VIRMA: variants seen among roughly 807,000 people sequenced by gnomAD.
The protein encoded by VIRMA is vir like m6A methyltransferase associated.
Under a neutral mutation model 182.4 loss-of-function variants are expected in VIRMA, and 65 were observed. The observed-to-expected ratio is 0.36, with a 90% CI of 0.29 to 0.44. VIRMA has a LOEUF of 0.44. VIRMA is among the 20% of genes least tolerant of loss of function. VIRMA has a pLI of 1.00. For synonymous variants in VIRMA, 709 were observed against 743.1 expected, an observed-to-expected ratio of 0.95 and a Z score of 0.75; for missense variants, 1,752 against 2,158.1, an observed-to-expected ratio of 0.81 and a Z score of 3.73.
chr8:94,519,500 T>A (rs369976110), intron 8 of VIRMA, 24 bp from the exon 9 acceptor site: 6 of 1,517,052 alleles, frequency 4.0e-6, no homozygotes, highest in Non-Finnish European at 5.3e-6. Flanking sequence ...AATTGATACA[T>A]GTCAAGTCAG....
Position 94,526,324 on chromosome 8 carries a change from A to G in VIRMA, c.1920T>C (p.Thr640=). The G allele has an allele frequency of 6.2e-7, 1 of 1,613,906 alleles. No homozygotes were observed. Among genetic ancestry groups the G allele is most frequent in the Non-Finnish European group, 8.5e-7 (1 of 1,179,774 alleles). The part of the protein sequence containing the change: ...LLEEVFHLME[T]APHTMIQQPV... Reference sequence around the variant, plus strand: ...GTTGTTGGATCATTGTATGAGGGGCAGTTTCCATTAAATGAAAAACTTCTT... The same window carrying G: ...GTTGTTGGATCATTGTATGAGGGGCGGTTTCCATTAAATGAAAAACTTCTT... The change falls in exon 8 of 24, where the codon ACT becomes ACC. Residue 640 remains threonine (T), a synonymous_variant. Transcript: ENST00000297591.
intron 14 of VIRMA, 101 bp downstream of exon 14, chr8:94,510,316 T>C (rs1032809230): frequency 1.5e-5 from 12 of 797,830 alleles, no homozygotes; most frequent in African/African-American, 5.2e-5. Flanking sequence ...TGTATATATG[T>C]TATCTGGGCA....
intron 2 of VIRMA, among the ~76,000 whole-genome samples, chr8:94,542,412 G>C (rs2381831): frequency 0.62 from 94,333 of 151,956 alleles, 29,670 homozygotes; most frequent in East Asian, 0.81. Context: ...CAGCCCCAGT[G>C]TATATCTTGA....
chr8:94,509,712 G>C lies in VIRMA; in HGVS notation c.3855C>G (p.Ser1285=), dbSNP rs749860929. 1.2e-6 allele frequency: 2 copies of C among 1,613,168 alleles called. No homozygotes were observed. The highest frequency in any genetic ancestry group is 3.3e-5 in the Admixed American group (2 of 59,792). The change falls in exon 15 of 24, where the codon TCC becomes TCG. Residue 1285 remains serine, a synonymous_variant. Coordinates refer to ENST00000297591, the MANE Select transcript of VIRMA (RefSeq NM_015496.5). ...IRQQCVEYVT[S]ILQSLCDQDI... is the part of the protein sequence containing the mutation. ...CCTGATCACAGAGAGACTGCAAAAT[G>C]GATGTGACATATTCAACACACTGTT...
chr8:94,518,749 C>CT (rs1162094946), intron 9 of VIRMA, among the ~76,000 whole-genome samples: 1 of 152,196 alleles, frequency 6.6e-6, no homozygotes, highest in African/African-American at 2.4e-5. Flanking sequence ...CAGTTGCAAT[C>CT]TTTAACACCA....
chr8:94,517,771 A>G lies in VIRMA; in HGVS notation c.2668+17T>C, dbSNP rs1814609500. 1 of 1,547,668 alleles carries G rather than the reference A, an allele frequency of 6.5e-7. No homozygotes were observed. Among genetic ancestry groups the G allele is most frequent in the Admixed American group, 1.9e-5 (1 of 53,136 alleles). ...TTCACATATTACAAATGCTTAAAAT[A>G]ACTTTAAGTACCATACCTTGCAATT... On this transcript the variant is annotated intron_variant, in intron 10 of 23. Coordinates refer to ENST00000297591, the MANE Select transcript of VIRMA (RefSeq NM_015496.5).
At chr8:94,489,520 C>A (rs1169982421) in intron 23 of VIRMA, among the ~76,000 whole-genome samples, 1 of 152,120 alleles carries the variant, frequency 6.6e-6, no homozygotes, top group Non-Finnish European at 1.5e-5. Context: ...TTTCTTCCAC[C>A]TCTGCTGCTC....
At chr8:94,518,049 A>G in intron 9 of VIRMA, 107 bp from the exon 10 acceptor site, 1 of 716,834 alleles carries the variant, frequency 1.4e-6, no homozygotes, top group Non-Finnish European at 2.3e-6. Flanking sequence ...GGACATTTAC[A>G]ATAAAACATG....
rs772047521 is a variant in VIRMA, at chr8:94,511,635, G to A, written c.2940C>T (p.Asn980=). The A allele has an allele frequency of 3.7e-6, 6 of 1,613,984 alleles. No individual in the cohort carries two copies. The African/African-American group carries it at 5.3e-5, about 14-fold the overall frequency. The change falls in exon 13 of 24, where the codon AAC becomes AAT. Residue 980 remains asparagine, a synonymous_variant. Transcript: ENST00000297591. ...GCCTCCAAGGCTGAGTCAGAATACTGTTCAATTTTTGCAGAACTCGAATAA... is the reference window on the plus strand; with the variant it reads ...GCCTCCAAGGCTGAGTCAGAATACTATTCAATTTTTGCAGAACTCGAATAA... The part of the protein sequence containing the change: ...DTFIRVLQKL[N]SILTQPWRLH...
chr8:94,517,702 A>C, intron 10 of VIRMA, 86 bp downstream of exon 10: 1 of 937,308 alleles, frequency 1.1e-6, no homozygotes. Context: ...TATATTATCG[A>C]AACATGATGA....
At chr8:94,518,841 C>G (rs1439099493) in intron 9 of VIRMA, 144 bp downstream of exon 9, 1 of 766,838 alleles carries the variant, frequency 1.3e-6, no homozygotes, top group African/African-American at 1.7e-5. Flanking sequence ...TTCTGTCACT[C>G]TAACCTTTAA....
At chr8:94,510,083 G>A in intron 14 of VIRMA, 143 bp from the exon 15 acceptor site, 1 of 743,396 alleles carries the variant, frequency 1.3e-6, no homozygotes, top group Non-Finnish European at 2.1e-6. Context: ...CAAATTCTCT[G>A]GAATTTTACA....
At chr8:94,551,058 CAT>C (rs1383553083) in intron 1 of VIRMA, among the ~76,000 whole-genome samples, 1 of 152,156 alleles carries the variant, frequency 6.6e-6, no homozygotes, top group Admixed American at 6.5e-5. Context: ...CAAGGAGCTC[CAT>C]GATCTGTCTT....
chr8:94,529,787 G>T (rs975096228), intron 6 of VIRMA, among the ~76,000 whole-genome samples: 5 of 151,926 alleles, frequency 3.3e-5, no homozygotes, highest in Non-Finnish European at 5.9e-5. Context: ...TTACAGGCGT[G>T]TAACACCACA....
At chr8:94,549,702 T>C (rs1450714741) in intron 1 of VIRMA, among the ~76,000 whole-genome samples, 2 of 152,152 alleles carry the variant, frequency 1.3e-5, no homozygotes, top group Non-Finnish European at 2.9e-5. Context: ...GCCAGAAAAA[T>C]GTATGATGGT....
intron 10 of VIRMA, 120 bp downstream of exon 10, chr8:94,517,668 G>T: frequency 1.8e-6 from 1 of 553,196 alleles, no homozygotes; most frequent in Non-Finnish European, 2.9e-6. Context: ...GTAATTTCAG[G>T]AAGTTAAAAA....
rs763608346 is a variant in VIRMA, at chr8:94,529,085, C to T, written c.865G>A (p.Asp289Asn). 20 of 1,596,492 alleles carry T rather than the reference C, an allele frequency of 1.3e-5. No individual in the cohort carries two copies. The highest frequency in any genetic ancestry group is 1.7e-5 in the Non-Finnish European group (20 of 1,164,260). ...CATAACCCACCTTCACCTTCTTCAT[C>T]CTCTTCACCTTCTTCCTCTTCATCT... The part of the protein sequence containing the change: ...EEDEEEEGEE[D>N]EEGEGDDGYE... The change falls in exon 7 of 24, where the codon GAT (aspartate) becomes AAT (asparagine). Residue 289 changes from aspartate (D) to asparagine (N), a missense_variant. Coordinates refer to ENST00000297591, the MANE Select transcript of VIRMA (RefSeq NM_015496.5).
intron 16 of VIRMA, among the ~76,000 whole-genome samples, chr8:94,501,437 C>T (rs749616778): frequency 2.6e-5 from 4 of 152,028 alleles, no homozygotes; most frequent in Admixed American, 6.6e-5. Flanking sequence ...TACACTAAGG[C>T]TAAAGACAAA....
chr8:94,491,959 C>A (rs749861015), intron 21 of VIRMA, 50 bp from the exon 22 acceptor site: 1 of 1,400,148 alleles, frequency 7.1e-7, no homozygotes, highest in South Asian at 1.6e-5. Flanking sequence ...AGGTTTCTAG[C>A]AAAAATAATC....
Sources: gnomAD v4.1 joint callset for allele counts (sites outside exome capture counted in the v4.1 genomes callset) on GRCh38, gnomAD v4.1.1 for gene constraint, MANE v1.5 for transcripts, NCBI Gene and HGNC (gene_info 2026-07-23, HGNC 2026-07-21) for gene names.